PDK1: variants seen among roughly 807,000 people sequenced by gnomAD.
The protein encoded by PDK1 is [Pyruvate dehydrogenase (acetyl-transferring)] kinase isozyme 1, mitochondrial.
Under a neutral mutation model 54.2 loss-of-function variants are expected in PDK1, and 39 were observed. The observed-to-expected ratio is 0.72, with a 90% CI of 0.56 to 0.94. The LOEUF (loss-of-function observed/expected upper bound fraction) is 0.94, where lower values mean the gene tolerates loss of function less well. Among genes scored for constraint, PDK1 ranks in the 40% least tolerant of loss-of-function variants. The pLI is 0.00. For synonymous variants in PDK1, 221 were observed against 207.1 expected, an observed-to-expected ratio of 1.07 and a Z score of -0.58; for missense variants, 552 against 566.0, an observed-to-expected ratio of 0.98 and a Z score of 0.25.
Position 172,603,152 on chromosome 2 carries a change from G to GAGT in PDK1, c.*7186_*7188dup. ...GCTGCTGGTCTGTGAGCCATACTTT[G>GAGT]AGTAGCAAAGGACTAAAGGTTGTGA... On this transcript the variant is annotated 3_prime_UTR_variant, in exon 11 of 11. Coordinates refer to ENST00000282077, the MANE Select transcript of PDK1 (RefSeq NM_002610.5). The GAGT allele has an allele frequency of 6.6e-6, 1 of 152,278 alleles. No homozygotes were observed. The highest frequency in any genetic ancestry group is 1.9e-4 in the East Asian group (1 of 5,182). The allele number at this position is 152,278 out of a possible 1,614,324, so 9.4% of individuals were successfully genotyped here. A position where few individuals can be genotyped will look rare whatever the true frequency, so the allele number is the denominator to read the frequency against.
In PDK1 at chr2:172,600,012, C is replaced by G. The variant is rs1691059795; in HGVS notation, c.*4043C>G. The G allele has an allele frequency of 1.3e-5, 2 of 152,178 alleles. No individual in the cohort carries two copies. Among genetic ancestry groups the G allele is most frequent in the Non-Finnish European group, 2.9e-5 (2 of 68,032 alleles). 9.4% of individuals were successfully genotyped at this position (152,178 alleles called of 1,614,324 possible). On this transcript the variant is annotated 3_prime_UTR_variant, in exon 11 of 11. Coordinates refer to ENST00000282077, the MANE Select transcript of PDK1 (RefSeq NM_002610.5). ...GGGTTATTTTTTGAGAGTGGAAGTA[C>G]ATTTCCTGCATTTGTCACAGATAAT...
At chr2:172,622,889 ATATG>A in the PDK1 span, among the ~76,000 whole-genome samples, 1 of 147,878 alleles carries the variant, frequency 6.8e-6, no homozygotes, top group South Asian at 2.1e-4. Context: ...TTTACATATT[ATATG>A]TAATATAATA....
Position 172,605,311 on chromosome 2 carries a change from A to C in PDK1, c.*9342A>C, listed in dbSNP as rs1691250955. The C allele has an allele frequency of 6.6e-6, 1 of 150,582 alleles. No individual in the cohort carries two copies. Among genetic ancestry groups the C allele is most frequent in the African/African-American group, 2.5e-5 (1 of 40,792 alleles). The allele number at this position is 150,582 out of a possible 1,614,324, so 9.3% of individuals were successfully genotyped here. ...ACACATAGGCGTTCAAGAGCCTCTG[A>C]GCTTAAAGATATGTGAGTGGAGCTA... On this transcript the variant is annotated 3_prime_UTR_variant, in exon 11 of 11. Transcript: ENST00000282077.
At position 172,605,387 on chromosome 2, in the gene PDK1, T is replaced by TG. The variant is rs1485091042; in HGVS notation, c.*9418_*9419insG. The TG allele has an allele frequency of 4.8e-5, 7 of 146,248 alleles. No homozygotes were observed. The East Asian group carries it at 1.4e-3, about 28-fold the overall frequency. 9.1% of individuals were successfully genotyped at this position (146,248 alleles called of 1,614,324 possible). On this transcript the variant is annotated 3_prime_UTR_variant, in exon 11 of 11. Coordinates refer to ENST00000282077, the MANE Select transcript of PDK1 (RefSeq NM_002610.5). ...ACTGTAATTTTTTTTTTTTTTTTTT[T>TG]TTTTTGGAAGCAGAGTCTTGCTCTT...
the PDK1 span, among the ~76,000 whole-genome samples, chr2:172,710,050 C>G: frequency 6.6e-6 from 1 of 152,170 alleles, no homozygotes; most frequent in South Asian, 2.1e-4. Context: ...GTTGACCCTG[C>G]TACCACTGGA....
rs1262445276 is a variant in PDK1 at position 172,568,771 on chromosome 2, T to A, written c.800T>A (p.Val267Asp). The stretch of plus-strand genomic sequence containing the variant: ...TCACCAGGACAGCCAATACAAGTGG[T>A]TTATGTACCATCCCATCTCTATCAC... Reference protein sequence around the residue: ...AKSPGQPIQVVYVPSHLYHMV... With the variant: ...AKSPGQPIQVDYVPSHLYHMV... Residue 267 changes from valine (V) to aspartate (D), a missense_variant, in exon 7 of 11, where the codon GTT becomes GAT. Val to Asp is a radical substitution (Grantham distance 152). Transcript: ENST00000282077. 6.2e-7 allele frequency: 1 copy of A among 1,610,000 alleles called. No homozygotes were observed. Among genetic ancestry groups the A allele is most frequent in the Non-Finnish European group, 8.5e-7 (1 of 1,176,214 alleles).
At chr2:172,672,060 G>A in the PDK1 span, among the ~76,000 whole-genome samples, 1 of 152,170 alleles carries the variant, frequency 6.6e-6, no homozygotes, top group Non-Finnish European at 1.5e-5. Flanking sequence ...GGGAATCTTG[G>A]TAAGGAGAGC....
chr2:172,669,639 G>T, the PDK1 span, among the ~76,000 whole-genome samples: 1 of 152,146 alleles, frequency 6.6e-6, no homozygotes, highest in African/African-American at 2.4e-5. Context: ...CAATACCAGT[G>T]TATCAGAGCT....
the PDK1 span, among the ~76,000 whole-genome samples, chr2:172,707,435 C>G: frequency 1.3e-5 from 2 of 152,136 alleles, no homozygotes; most frequent in African/African-American, 4.8e-5. Context: ...TTCTGATTTG[C>G]CAGGGTACCC....
chr2:172,673,515 G>A, the PDK1 span, among the ~76,000 whole-genome samples: 1 of 152,104 alleles, frequency 6.6e-6, no homozygotes, highest in Non-Finnish European at 1.5e-5. Context: ...ATTTTAGAGA[G>A]ACAGTTAACA....
At chr2:172,622,581 ATG>A in the PDK1 span, among the ~76,000 whole-genome samples, 1 of 147,476 alleles carries the variant, frequency 6.8e-6, no homozygotes, top group South Asian at 2.2e-4. Context: ...CTCATATATT[ATG>A]TGAGATGTTT....
the PDK1 span, among the ~76,000 whole-genome samples, chr2:172,664,046 T>G: frequency 6.6e-6 from 1 of 150,386 alleles, no homozygotes; most frequent in African/African-American, 2.4e-5. Flanking sequence ...GCGCGGTGGC[T>G]CACACCTGTA....
chr2:172,688,132 T>C, the PDK1 span, among the ~76,000 whole-genome samples: 1 of 152,044 alleles, frequency 6.6e-6, no homozygotes, highest in African/African-American at 2.4e-5. Context: ...TGCCATAGAG[T>C]TCTCTATTTA....
At chr2:172,567,525 G>A (rs932603470) in intron 6 of PDK1, among the ~76,000 whole-genome samples, 26 of 152,216 alleles carry the variant, frequency 1.7e-4, no homozygotes, top group Non-Finnish European at 3.4e-4. Context: ...TTAAGAAGGT[G>A]TGGGAAGAAT....
chr2:172,595,319 G>T lies in PDK1; in HGVS notation c.1171-510G>T, dbSNP rs1243170236. 2.0e-5 allele frequency among the ~76,000 whole-genome samples: 3 copies of T among 152,022 alleles called. No homozygotes were observed. The East Asian group carries it at 5.8e-4, about 29-fold the overall frequency. On this transcript the variant is annotated intron_variant, in intron 10 of 10. Coordinates refer to ENST00000282077, the MANE Select transcript of PDK1 (RefSeq NM_002610.5). ...TCCTGAGCTCAAGCAATCTTCCTGT[G>T]TAAGCCTCCCAAAGCACTGGGATTA...
chr2:172,638,022 G>C, the PDK1 span, among the ~76,000 whole-genome samples: 2 of 152,062 alleles, frequency 1.3e-5, no homozygotes, highest in African/African-American at 4.8e-5. Context: ...AAATGGAGTA[G>C]GGAGGAAGCT....
the PDK1 span, among the ~76,000 whole-genome samples, chr2:172,706,163 T>G: frequency 6.6e-6 from 1 of 152,206 alleles, no homozygotes; most frequent in Admixed American, 6.5e-5. Flanking sequence ...TACTTAACCT[T>G]TTGCAACTGT....
chr2:172,677,117 G>A, the PDK1 span: 1 of 152,082 alleles, frequency 6.6e-6, no homozygotes, highest in Non-Finnish European at 1.5e-5. Flanking sequence ...TATATGCACT[G>A]CGAAACAAAA....
the PDK1 span, among the ~76,000 whole-genome samples, chr2:172,688,882 G>A: frequency 6.6e-6 from 1 of 152,174 alleles, no homozygotes; most frequent in African/African-American, 2.4e-5. Flanking sequence ...TCCAGAGTTG[G>A]TTCCTTCCAG....
Sources: gnomAD v4.1 joint callset for allele counts (sites outside exome capture counted in the v4.1 genomes callset) on GRCh38, gnomAD v4.1.1 for gene constraint, MANE v1.5 for transcripts, NCBI Gene and HGNC (gene_info 2026-07-23, HGNC 2026-07-21) for gene names.